The following CCDC9 variants were observed in gnomAD, a reference collection of about 807,000 sequenced individuals.
The protein encoded by CCDC9 is coiled-coil domain-containing protein 9.
In CCDC9, 52 loss-of-function variants were observed where a neutral mutation model predicts 65.6. That is an observed-to-expected ratio of 0.79 (90% CI 0.63 to 1.00). The LOEUF (loss-of-function observed/expected upper bound fraction) is 1.00. Among genes scored for constraint, CCDC9 ranks in the 50% least tolerant of loss-of-function variants. CCDC9 has a pLI of 0.00. For synonymous variants in CCDC9, 332 were observed against 280.3 expected, an observed-to-expected ratio of 1.18 and a Z score of -1.84; for missense variants, 834 against 757.2, an observed-to-expected ratio of 1.10 and a Z score of -1.19.
At chr19:47,267,539 T>C (rs541902111) in intron 8 of CCDC9, among the ~76,000 whole-genome samples, 28 of 152,242 alleles carry the variant, frequency 1.8e-4, no homozygotes, top group Non-Finnish European at 2.5e-4. Flanking sequence ...CGCCAGGGTG[T>C]TCATTCTGCT....
intron 7 of CCDC9, 125 bp downstream of exon 7, chr19:47,265,071 T>G (rs2059072462): frequency 1.3e-6 from 1 of 787,986 alleles, no homozygotes; most frequent in Admixed American, 3.8e-5. Flanking sequence ...GGACTTTTTT[T>G]TTTTGAGACG....
rs370027002 is a variant in CCDC9 at position 47,260,421 on chromosome 19, C to T, written c.209C>T (p.Ser70Leu). The change falls in exon 4 of 12, where the codon TCG becomes TTG. Residue 70 changes from serine (S) to leucine (L), a missense_variant and splice_region_variant. Ser to Leu is a moderately radical substitution (Grantham distance 145, BLOSUM62 -2). Coordinates refer to ENST00000221922, the MANE Select transcript of CCDC9 (RefSeq NM_015603.3). ...SVEKENVAVE[S>L]EKNLGPSRRS... is the part of the protein sequence containing the mutation. ...GAGAAGGAGAACGTGGCAGTGGAGTCGGTGAGCTCGTCACTGGGGTGTGGG... is the reference window on the plus strand; with the variant it reads ...GAGAAGGAGAACGTGGCAGTGGAGTTGGTGAGCTCGTCACTGGGGTGTGGG... The T allele has an allele frequency of 2.3e-5, 37 of 1,608,030 alleles. No homozygotes were observed. Among genetic ancestry groups the T allele is most frequent in the South Asian group, 6.7e-5 (6 of 90,034 alleles).
downstream of CCDC9, chr19:47,274,940 G>C (rs1328823007): frequency 7.4e-7 from 1 of 1,349,694 alleles, no homozygotes; most frequent in South Asian, 1.9e-5. Flanking sequence ...CCAGCTGCGT[G>C]GGCGGCGGCG....
At chr19:47,264,032 C>T in intron 5 of CCDC9, among the ~76,000 whole-genome samples, 1 of 152,122 alleles carries the variant, frequency 6.6e-6, no homozygotes, top group East Asian at 1.9e-4. Flanking sequence ...GCGCCCACCA[C>T]CATGCTTGGC....
downstream of CCDC9, among the ~76,000 whole-genome samples, chr19:47,272,791 T>G (rs1483295788): frequency 2.0e-5 from 3 of 152,078 alleles, no homozygotes; most frequent in East Asian, 3.8e-4. Context: ...AGAATAGACA[T>G]GCGTACCCGA....
At position 47,258,394 on chromosome 19, in the gene CCDC9, C is replaced by G. The variant is rs762493015; in HGVS notation, c.-7C>G. The G allele has an allele frequency of 6.2e-7, 1 of 1,613,906 alleles. No homozygotes were observed. ...TGCTGGGACCTTGGCTCCACGCAGCCAGCGAAATGGTGAGGCTGAAAAATG... is the reference window on the plus strand; with the variant it reads ...TGCTGGGACCTTGGCTCCACGCAGCGAGCGAAATGGTGAGGCTGAAAAATG... On this transcript the variant is annotated 5_prime_UTR_variant, in exon 2 of 12. Transcript: ENST00000221922.
At chr19:47,261,526 G>A (rs1457715307) in intron 5 of CCDC9, among the ~76,000 whole-genome samples, 1 of 151,908 alleles carries the variant, frequency 6.6e-6, no homozygotes, top group Admixed American at 6.6e-5. Context: ...TGAGCTTCTG[G>A]TTCTAGCACT....
chr19:47,265,908 T>G (rs10407675), intron 7 of CCDC9, among the ~76,000 whole-genome samples: 68,267 of 148,148 alleles, frequency 0.46, 16,070 homozygotes, highest in East Asian at 0.67. Context: ...GGATGGTCTC[T>G]ATCTCCTGAC....
Position 47,271,433 on chromosome 19 carries a change from C to G in CCDC9, c.1351C>G (p.Gln451Glu). Residue 451 changes from glutamine to glutamate, a missense_variant, in exon 12 of 12, where the codon CAA becomes GAA. Transcript: ENST00000221922. ...TGAGGAGGAACCAGCCCAAGACCACCAAGCCCCAGAGGCTGCCCCCACCGG... is the reference window on the plus strand; with the variant it reads ...TGAGGAGGAACCAGCCCAAGACCACGAAGCCCCAGAGGCTGCCCCCACCGG... Reference protein sequence around the residue: ...GDEEEPAQDHQAPEAAPTGIP... With the variant: ...GDEEEPAQDHEAPEAAPTGIP... The G allele has an allele frequency of 6.2e-7, 1 of 1,613,960 alleles. No homozygotes were observed. The highest frequency in any genetic ancestry group is 8.5e-7 in the Non-Finnish European group (1 of 1,179,984).
intron 8 of CCDC9, among the ~76,000 whole-genome samples, chr19:47,268,057 C>T (rs1413320334): frequency 6.6e-6 from 1 of 152,096 alleles, no homozygotes; most frequent in Non-Finnish European, 1.5e-5. Flanking sequence ...CCATGTTGGC[C>T]TGGCTGGTCT....
chr19:47,264,263 G>T (rs920333707), intron 5 of CCDC9, among the ~76,000 whole-genome samples: 2 of 152,190 alleles, frequency 1.3e-5, no homozygotes, highest in African/African-American at 4.8e-5. Flanking sequence ...CAATCCTCCT[G>T]CCTTGGCCTC....
chr19:47,258,455 T>C, intron 2 of CCDC9, 52 bp downstream of exon 2: 1 of 1,612,292 alleles, frequency 6.2e-7, no homozygotes, highest in Non-Finnish European at 8.5e-7. Flanking sequence ...GAAGGGGGCT[T>C]GGGAGGATGG....
Position 47,270,615 on chromosome 19 carries a change from A to G in CCDC9, c.1012A>G (p.Lys338Glu). 2 of 1,613,392 alleles carry G rather than the reference A, an allele frequency of 1.2e-6. No homozygotes were observed. The highest frequency in any genetic ancestry group is 1.7e-6 in the Non-Finnish European group (2 of 1,180,020). ...TTTTGGGGAGTTCCTGTCCCAGCAC[A>G]AAGCTGAGGCCAGCAGCCGCAGAAG... Reference protein sequence around the residue: ...PTFGEFLSQHKAEASSRRRRK... With the variant: ...PTFGEFLSQHEAEASSRRRRK... Residue 338 changes from lysine (K) to glutamate (E), a missense_variant, in exon 10 of 12, where the codon AAA (lysine) becomes GAA (glutamate). Physicochemically the swap from Lys to Glu is moderately conservative, Grantham distance 56 (BLOSUM62 1). Coordinates refer to ENST00000221922, the MANE Select transcript of CCDC9 (RefSeq NM_015603.3).
intron 7 of CCDC9, 152 bp from the exon 8 acceptor site, chr19:47,266,459 C>T: frequency 7.4e-6 from 9 of 1,223,260 alleles, no homozygotes; most frequent in Non-Finnish European, 9.8e-6. Flanking sequence ...GAGAGGGCCT[C>T]TGTGAGGAGG....
At chr19:47,273,949 C>T (rs531299307), downstream of CCDC9, 6 of 983,086 alleles carry the variant, frequency 6.1e-6, no homozygotes, top group East Asian at 2.3e-4. Context: ...ATCCGTCTTC[C>T]CTCCCCCCTC....
Position 47,260,332 on chromosome 19 carries a change from A to C in CCDC9, c.120A>C (p.Glu40Asp). The C allele has an allele frequency of 6.3e-7, 1 of 1,590,804 alleles. No homozygotes were observed. Among genetic ancestry groups the C allele is most frequent in the Non-Finnish European group, 8.6e-7 (1 of 1,168,210 alleles). The change falls in exon 4 of 12, where the codon GAA becomes GAC. Residue 40 changes from glutamate (E) to aspartate (D), a missense_variant. Physicochemically the swap from Glu to Asp is conservative, Grantham distance 45 (BLOSUM62 2). Coordinates refer to ENST00000221922, the MANE Select transcript of CCDC9 (RefSeq NM_015603.3). ...CTGTCTGCTCCTAGGAGATTGAGGA[A>C]GACCGTAAGAAAGCTGAACTTGAGG... is the stretch of plus-strand genomic sequence containing the variant. ...ALIRRYQEIEEDRKKAELEGV... is the reference protein window; with the variant it reads ...ALIRRYQEIEDDRKKAELEGV...
chr19:47,268,950 G>A (rs1399780038), intron 8 of CCDC9, among the ~76,000 whole-genome samples: 1 of 151,340 alleles, frequency 6.6e-6, no homozygotes, highest in Admixed American at 6.6e-5. Context: ...AATAATGTGT[G>A]TCTGGGCCAG....
chr19:47,257,306 G>T (rs1012272509), intron 1 of CCDC9, among the ~76,000 whole-genome samples: 1 of 151,452 alleles, frequency 6.6e-6, no homozygotes, highest in Non-Finnish European at 1.5e-5. Flanking sequence ...GGGCGGGGCT[G>T]GAATAATAAT....
In CCDC9 at chr19:47,258,561, A is replaced by T. The variant is rs1568635335; in HGVS notation, c.6A>T (p.Ala2=). ...CCTCAACTGCCTCCCGGTCTCAGGC[A>T]GCCACACTCGATTTGAAATCAAAGG... M[A]ATLDLKSKEE... Residue 2 remains alanine, a splice_region_variant and synonymous_variant, in exon 3 of 12, where the codon GCA becomes GCT. Transcript: ENST00000221922. The T allele has an allele frequency of 6.2e-7, 1 of 1,613,890 alleles. No homozygotes were observed. Among genetic ancestry groups the T allele is most frequent in the East Asian group, 2.2e-5 (1 of 44,880 alleles).
Sources: allele counts gnomAD v4.1 joint callset (sites outside exome capture counted in the v4.1 genomes callset), GRCh38; gene constraint gnomAD v4.1.1; transcripts MANE v1.5; gene names NCBI Gene and HGNC (gene_info 2026-07-23, HGNC 2026-07-21).